Variants in DLG2 observed in about 807,000 individuals in gnomAD.
The protein encoded by DLG2 is discs large MAGUK scaffold protein 2.
Under a neutral mutation model 132.5 loss-of-function variants are expected in DLG2, and 45 were observed. The ratio of observed to expected loss-of-function variants is 0.34; its 90% CI spans 0.27 to 0.44. The LOEUF (loss-of-function observed/expected upper bound fraction) is 0.44, where lower values mean the gene tolerates loss of function less well. Ranked by LOEUF, DLG2 falls within the 20% of genes least tolerant of loss-of-function variation. The pLI is 1.00. For missense variants in DLG2, 1,045 were observed against 1,196.9 expected (o/e 0.87, Z 1.87); for synonymous variants, 424 against 419.6 (o/e 1.01, Z -0.13).
At chr11:84,300,310 A>G (rs999461561) in intron 7 of DLG2, among the ~76,000 whole-genome samples, 7 of 151,858 alleles carry the variant, frequency 4.6e-5, no homozygotes, top group Non-Finnish European at 1.0e-4. Flanking sequence ...TGCATGAACT[A>G]TTTTTTCATA....
intron 4 of DLG2, among the ~76,000 whole-genome samples, chr11:85,191,143 T>TGC (rs201015532): frequency 0.018 from 2,595 of 141,232 alleles, 41 homozygotes; most frequent in Admixed American, 0.036. Flanking sequence ...TCTATATGCA[T>TGC]GCGCGCGCGC....
At chr11:85,110,108 A>C (rs970563303) in intron 6 of DLG2, among the ~76,000 whole-genome samples, 1 of 152,086 alleles carries the variant, frequency 6.6e-6, no homozygotes, top group Non-Finnish European at 1.5e-5. Context: ...CAGATGTAGG[A>C]ATCAGTAGTT....
At chr11:85,105,744 G>A (rs562619631) in intron 6 of DLG2, among the ~76,000 whole-genome samples, 1 of 151,838 alleles carries the variant, frequency 6.6e-6, no homozygotes, top group South Asian at 2.1e-4. Flanking sequence ...AATAAAAATT[G>A]TATGTAGTCT....
intron 16 of DLG2, among the ~76,000 whole-genome samples, chr11:83,873,715 G>GT (rs1555100627): frequency 6.6e-6 from 1 of 152,036 alleles, no homozygotes; most frequent in Non-Finnish European, 1.5e-5. Context: ...GTAAATGTTA[G>GT]TTTTTTTTCT....
chr11:83,723,739 T>C (rs1157183026), intron 18 of DLG2, among the ~76,000 whole-genome samples: 2 of 151,488 alleles, frequency 1.3e-5, no homozygotes, highest in Non-Finnish European at 2.9e-5. Flanking sequence ...GGCTGTAGTC[T>C]CAGCTACTCA....
At chr11:84,380,531 A>G (rs113992300) in intron 7 of DLG2, among the ~76,000 whole-genome samples, 275 of 152,142 alleles carry the variant, frequency 1.8e-3, no homozygotes, top group African/African-American at 6.4e-3. Flanking sequence ...AAAACTAAAC[A>G]GCAATAATAC....
At chr11:84,923,392 T>C in intron 6 of DLG2, 7 of 1,042,716 alleles carry the variant, frequency 6.7e-6, no homozygotes, top group Non-Finnish European at 8.1e-6. Flanking sequence ...CTCAGTTGCT[T>C]TTCCTTCTAG....
intron 8 of DLG2, among the ~76,000 whole-genome samples, chr11:84,247,703 C>G (rs910192143): frequency 6.6e-6 from 1 of 152,082 alleles, no homozygotes; most frequent in Non-Finnish European, 1.5e-5. Flanking sequence ...AAAAAGAAGT[C>G]TCTTTAAATA....
chr11:84,210,142 T>C (rs976556584), intron 8 of DLG2, among the ~76,000 whole-genome samples: 2 of 151,310 alleles, frequency 1.3e-5, no homozygotes, highest in Non-Finnish European at 2.9e-5. Context: ...AATTATATGG[T>C]CATGGTGGTA....
At chr11:85,583,012 G>C (rs149928063) in intron 3 of DLG2, among the ~76,000 whole-genome samples, 21 of 140,030 alleles carry the variant, frequency 1.5e-4, no homozygotes, top group Middle Eastern at 7.8e-3. Flanking sequence ...AACAATATCA[G>C]CTAGAACCTG....
At chr11:84,320,443 A>G (rs1166267963) in intron 7 of DLG2, among the ~76,000 whole-genome samples, 1 of 152,214 alleles carries the variant, frequency 6.6e-6, no homozygotes, top group East Asian at 1.9e-4. Flanking sequence ...CATCCTTATC[A>G]GCCACAAGTA....
At chr11:84,418,534 G>T (rs2098937647) in intron 7 of DLG2, among the ~76,000 whole-genome samples, 1 of 152,194 alleles carries the variant, frequency 6.6e-6, no homozygotes, top group Non-Finnish European at 1.5e-5. Context: ...AAAGTCCTGA[G>T]TTTGAAATCC....
intron 3 of DLG2, among the ~76,000 whole-genome samples, chr11:85,552,512 A>G (rs1248970719): frequency 1.3e-5 from 2 of 151,696 alleles, no homozygotes; most frequent in African/African-American, 4.8e-5. Context: ...AAACAATCTG[A>G]TATTTTTAAA....
At chr11:85,525,850 G>A (rs115776042) in intron 3 of DLG2, among the ~76,000 whole-genome samples, 2,161 of 152,264 alleles carry the variant, frequency 0.014, 50 homozygotes, top group African/African-American at 0.05. Flanking sequence ...GAATTTAAAG[G>A]ACAGAGACTA....
chr11:84,041,791 T>A (rs1244791688), intron 11 of DLG2, among the ~76,000 whole-genome samples: 1 of 151,948 alleles, frequency 6.6e-6, no homozygotes, highest in Admixed American at 6.6e-5. Context: ...CCAAATTCCA[T>A]CTTGAAATGT....
At chr11:83,624,101 T>G (rs761749924) in intron 19 of DLG2, among the ~76,000 whole-genome samples, 1 of 152,170 alleles carries the variant, frequency 6.6e-6, no homozygotes, top group Non-Finnish European at 1.5e-5. Flanking sequence ...AAAAGAAGTT[T>G]TATTAATCTT....
At chr11:84,726,158 C>T (rs1163496501) in intron 6 of DLG2, among the ~76,000 whole-genome samples, 2 of 152,076 alleles carry the variant, frequency 1.3e-5, no homozygotes, top group African/African-American at 4.8e-5. Flanking sequence ...GGTACATGTG[C>T]AGAATGTGCA....
intron 7 of DLG2, among the ~76,000 whole-genome samples, chr11:84,418,422 C>T (rs1388265297): frequency 6.6e-6 from 1 of 152,160 alleles, no homozygotes; most frequent in Admixed American, 6.5e-5. Context: ...CATTTAATTT[C>T]GTCCTTATAC....
chr11:84,845,285 A>G (rs975033723), intron 6 of DLG2, among the ~76,000 whole-genome samples: 1 of 152,140 alleles, frequency 6.6e-6, no homozygotes, highest in Admixed American at 6.6e-5. Context: ...GAGAATAATT[A>G]TAGTTACTTC....
Sources: allele counts gnomAD v4.1 joint callset (sites outside exome capture counted in the v4.1 genomes callset), GRCh38; gene constraint gnomAD v4.1.1; transcripts MANE v1.5; gene names NCBI Gene and HGNC (gene_info 2026-07-23, HGNC 2026-07-21).